Variants in CBX3 observed in about 807,000 individuals in gnomAD.
The protein encoded by CBX3 is chromobox 3, also known as chromobox protein homolog 3.
CBX3 carries 5 observed loss-of-function variants against 22.6 expected under a neutral mutation model. The ratio of observed to expected loss-of-function variants is 0.22; its 90% CI spans 0.12 to 0.47. The LOEUF (loss-of-function observed/expected upper bound fraction) is 0.47, where lower values mean the gene tolerates loss of function less well. CBX3 is among the 20% of genes least tolerant of loss of function. The pLI, the probability that CBX3 is intolerant of heterozygous loss-of-function variation, is 0.99. For missense variants in CBX3, 83 were observed against 208.1 expected (o/e 0.40, Z 3.70); for synonymous variants, 50 against 66.6 (o/e 0.75, Z 1.21).
rs1264027379 is a variant in CBX3 at position 26,212,686 on chromosome 7, C to T, written c.*478C>T. The T allele has an allele frequency of 1.3e-5, 2 of 152,006 alleles. No homozygotes were observed. The highest frequency in any genetic ancestry group is 2.9e-5 in the Non-Finnish European group (2 of 68,018). The allele number at this position is 152,006 out of a possible 1,614,324, so 9.4% of individuals were successfully genotyped here. A position where few individuals can be genotyped will look rare whatever the true frequency, so the allele number is the denominator to read the frequency against. ...CCAAACAAAAAAATCACAGGTAAAC[C>T]CATGTTTCTGAGATGCCATTATTCC... On this transcript the variant is annotated 3_prime_UTR_variant, in exon 6 of 6. Transcript: ENST00000396386.
rs1457278873 is a variant in CBX3, at chr7:26,212,666, CAAA to C, written c.*463_*465del. On this transcript the variant is annotated 3_prime_UTR_variant, in exon 6 of 6. Transcript: ENST00000396386. Reference sequence around the variant, plus strand: ...TTTTGTTTTTAAGCATTCACCCAAACAAAAAAATCACAGGTAAACCCATGTTTC... The same window carrying C: ...TTTTGTTTTTAAGCATTCACCCAAACAAAATCACAGGTAAACCCATGTTTC... 6.6e-6 allele frequency: 1 copy of C among 151,806 alleles called. No homozygotes were observed. The highest frequency in any genetic ancestry group is 6.6e-5 in the Admixed American group (1 of 15,244). 9.4% of individuals were successfully genotyped at this position (151,806 alleles called of 1,614,324 possible).
intron 3 of CBX3, chr7:26,208,190 C>G (rs1784723279): frequency 2.5e-6 from 1 of 402,024 alleles, no homozygotes; most frequent in African/African-American, 2.0e-5. Flanking sequence ...CTACTGCACT[C>G]TCGTCTGGGC....
At chr7:26,202,614 G>A (rs1784560735) in intron 1 of CBX3, 5 of 240,520 alleles carry the variant, frequency 2.1e-5, no homozygotes, top group Admixed American at 1.2e-4. Flanking sequence ...ACCGTTGTGA[G>A]TTGTTTGGGT....
chr7:26,202,751 T>A (rs1784575696), intron 1 of CBX3: 1 of 514,084 alleles, frequency 1.9e-6, no homozygotes, highest in Non-Finnish European at 3.4e-6. Flanking sequence ...CTGTTTTAGG[T>A]ACCAGGATCC....
At chr7:26,210,391 C>T (rs1337546334) in intron 4 of CBX3, 1 of 152,186 alleles carries the variant, frequency 6.6e-6, no homozygotes, top group African/African-American at 2.4e-5. Context: ...TTTTAATGTG[C>T]TGTGAAATAT....
Position 26,212,707 on chromosome 7 carries a change from A to T in CBX3, c.*499A>T, listed in dbSNP as rs1204457736. 2 of 152,276 alleles carry T rather than the reference A, an allele frequency of 1.3e-5. No homozygotes were observed. The highest frequency in any genetic ancestry group is 4.8e-5 in the African/African-American group (2 of 41,470). 9.4% of individuals were successfully genotyped at this position (152,276 alleles called of 1,614,324 possible). A position where few individuals can be genotyped will look rare whatever the true frequency, so the allele number is the denominator to read the frequency against. ...AAACCCATGTTTCTGAGATGCCATTATTCCAAGCAAAATAAGAGATAATCC... is the reference window on the plus strand; with the variant it reads ...AAACCCATGTTTCTGAGATGCCATTTTTCCAAGCAAAATAAGAGATAATCC... On this transcript the variant is annotated 3_prime_UTR_variant, in exon 6 of 6. Coordinates refer to ENST00000396386, the MANE Select transcript of CBX3 (RefSeq NM_016587.4).
intron 3 of CBX3, among the ~76,000 whole-genome samples, chr7:26,207,028 C>A (rs542643328): frequency 6.6e-6 from 1 of 152,130 alleles, no homozygotes; most frequent in Non-Finnish European, 1.5e-5. Context: ...TAATGTTATT[C>A]ACAAAATGTG....
intron 3 of CBX3, chr7:26,208,136 T>A (rs1784722215): frequency 1.2e-5 from 3 of 256,980 alleles, no homozygotes; most frequent in Non-Finnish European, 2.3e-5. Context: ...AGGTGGAGGA[T>A]CGCTTGAGTC....
At chr7:26,208,579 A>T (rs775005053) in intron 4 of CBX3, 24 bp downstream of exon 4, 2 of 1,561,566 alleles carry the variant, frequency 1.3e-6, no homozygotes, top group Non-Finnish European at 1.7e-6. Flanking sequence ...ATTGCCCACC[A>T]GCTTGTCCTT....
At chr7:26,206,277 G>A (rs1047220801) in intron 2 of CBX3, 91 bp from the exon 3 acceptor site, 7 of 794,726 alleles carry the variant, frequency 8.8e-6, no homozygotes, top group South Asian at 5.4e-5. Context: ...AATTTATGTC[G>A]AATGTGATAA....
intron 3 of CBX3, 174 bp from the exon 4 acceptor site, chr7:26,208,217 GTC>G: frequency 2.2e-6 from 1 of 464,276 alleles, no homozygotes; most frequent in South Asian, 3.7e-5. Context: ...GCAAGACCCT[GTC>G]TCTGGCGGAG....
intron 4 of CBX3, among the ~76,000 whole-genome samples, chr7:26,211,078 TAAAAAAAAAA>T (rs74744309): frequency 1.9e-5 from 2 of 106,706 alleles, no homozygotes; most frequent in African/African-American, 3.4e-5. Flanking sequence ...GCTGATGAGC[TAAAAAAAAAA>T]AAAAAAAAAA....
At chr7:26,209,578 A>G (rs1784759666) in intron 4 of CBX3, among the ~76,000 whole-genome samples, 1 of 152,190 alleles carries the variant, frequency 6.6e-6, no homozygotes, top group African/African-American at 2.4e-5. Context: ...TGTATTGCCA[A>G]ACAATACCTT....
intron 5 of CBX3, 78 bp from the exon 6 acceptor site, chr7:26,212,004 T>C (rs1784810708): frequency 3.8e-6 from 5 of 1,304,306 alleles, no homozygotes; most frequent in Non-Finnish European, 5.1e-6. Flanking sequence ...GTTTGGACTA[T>C]TATTTCTTAA....
At chr7:26,206,071 CAA>C (rs1358931971) in intron 2 of CBX3, 4 of 259,188 alleles carry the variant, frequency 1.5e-5, no homozygotes, top group Non-Finnish European at 1.5e-5. Flanking sequence ...GCCTGGGCGA[CAA>C]GAGTGTGAGA....
In CBX3 at chr7:26,206,508, A is replaced by G; in HGVS notation, c.165A>G (p.Thr55=). 2.5e-6 allele frequency: 4 copies of G among 1,613,370 alleles called. No homozygotes were observed. The highest frequency in any genetic ancestry group is 3.4e-6 in the Non-Finnish European group (4 of 1,179,698). Residue 55 remains threonine (T), a splice_region_variant and synonymous_variant, in exon 3 of 6, where the codon ACA becomes ACG. Transcript: ENST00000396386. ...VEYFLKWKGF[T]DADNTWEPEE... ...ATTTCCTGAAGTGGAAGGGATTTACAGAGTAAGAAACTTTAGTGCATCTTT... is the reference window on the plus strand; with the variant it reads ...ATTTCCTGAAGTGGAAGGGATTTACGGAGTAAGAAACTTTAGTGCATCTTT...
chr7:26,202,977 C>T lies in CBX3; in HGVS notation c.-22C>T, dbSNP rs754824132. 3 of 1,598,264 alleles carry T rather than the reference C, an allele frequency of 1.9e-6. No homozygotes were observed. The highest frequency in any genetic ancestry group is 2.2e-5 in the East Asian group (1 of 44,806). On this transcript the variant is annotated 5_prime_UTR_variant, in exon 2 of 6. Coordinates refer to ENST00000396386, the MANE Select transcript of CBX3 (RefSeq NM_016587.4). ...CTGTCATGCATTTTTCTAGTAATAG[C>T]TCTTCAAGTCTGCAATAAAAAATGG...
rs189467571 is a variant in CBX3, at chr7:26,212,438, G to A, written c.*230G>A. On this transcript the variant is annotated 3_prime_UTR_variant, in exon 6 of 6. Transcript: ENST00000396386. The stretch of plus-strand genomic sequence containing the variant: ...TGTAGTTGCTTCCTTTATCAGAAAA[G>A]AACATTTGATACCATGGTATATCAT... The A allele has an allele frequency of 5.2e-6, 1 of 190,708 alleles. No individual in the cohort carries two copies. The highest frequency in any genetic ancestry group is 6.0e-5 in the Admixed American group (1 of 16,550). The allele number at this position is 190,708 out of a possible 1,614,324, so 11.8% of individuals were successfully genotyped here.
At chr7:26,210,556 G>A (rs945741799) in intron 4 of CBX3, 1 of 152,270 alleles carries the variant, frequency 6.6e-6, no homozygotes, top group East Asian at 1.9e-4. Context: ...GTAAAACTCT[G>A]ACAGGAATAA....
Sources: allele counts gnomAD v4.1 joint callset (sites outside exome capture counted in the v4.1 genomes callset), GRCh38; gene constraint gnomAD v4.1.1; transcripts MANE v1.5; gene names NCBI Gene and HGNC (gene_info 2026-07-23, HGNC 2026-07-21).